CBFB: variants seen among roughly 807,000 people sequenced by gnomAD.
The protein encoded by CBFB is core-binding factor subunit beta, also known as CBF-beta.
Under a neutral mutation model 30.4 loss-of-function variants are expected in CBFB, and 9 were observed. The observed-to-expected ratio is 0.30, with a 90% CI of 0.18 to 0.52. The LOEUF is 0.52. CBFB is among the 20% of genes least tolerant of loss of function. The probability of loss-of-function intolerance (pLI) is 0.97; values close to 1 mark genes in which losing one functional copy is unlikely to be tolerated. For synonymous variants in CBFB, 94 were observed against 84.0 expected (o/e 1.12, Z -0.65); for missense variants, 170 against 244.0 (o/e 0.70, Z 2.02).
chr16:67,072,942 G>C (rs564911321), intron 4 of CBFB, among the ~76,000 whole-genome samples: 2 of 152,004 alleles, frequency 1.3e-5, no homozygotes, highest in East Asian at 3.9e-4. Flanking sequence ...TGAATTGCTG[G>C]CTTCAAACGA....
chr16:67,039,536 T>G (rs1966496080), intron 3 of CBFB, among the ~76,000 whole-genome samples: 1 of 152,166 alleles, frequency 6.6e-6, no homozygotes, highest in African/African-American at 2.4e-5. Flanking sequence ...CAATAGGAAT[T>G]TTTCAGATTC....
At chr16:67,090,456 A>T (rs1486432129) in intron 5 of CBFB, among the ~76,000 whole-genome samples, 2 of 152,150 alleles carry the variant, frequency 1.3e-5, no homozygotes, top group East Asian at 1.9e-4. Flanking sequence ...TTTTTGGGGT[A>T]TATATGTCTA....
chr16:67,071,237 A>G (rs1961215598), intron 4 of CBFB, among the ~76,000 whole-genome samples: 1 of 152,200 alleles, frequency 6.6e-6, no homozygotes, highest in Non-Finnish European at 1.5e-5. Context: ...CCCACTACTT[A>G]CCAGCTCTCA....
chr16:67,050,877 TAAGC>T, intron 3 of CBFB, among the ~76,000 whole-genome samples: 1 of 152,180 alleles, frequency 6.6e-6, no homozygotes, highest in South Asian at 2.1e-4. Flanking sequence ...TATTTGAACA[TAAGC>T]ACTGCCATAC....
chr16:67,064,129 C>T (rs1349862495), intron 3 of CBFB, among the ~76,000 whole-genome samples: 2 of 152,172 alleles, frequency 1.3e-5, no homozygotes, highest in Non-Finnish European at 2.9e-5. Flanking sequence ...TTGTTCAAGG[C>T]AGTAAATATT....
chr16:67,063,140 G>C (rs901866781), intron 3 of CBFB, among the ~76,000 whole-genome samples: 1 of 152,152 alleles, frequency 6.6e-6, no homozygotes, highest in Non-Finnish European at 1.5e-5. Flanking sequence ...GTTGAGCAGA[G>C]GTCGGCATAG....
At chr16:67,068,079 A>G (rs1826180057) in intron 4 of CBFB, among the ~76,000 whole-genome samples, 1 of 152,246 alleles carries the variant, frequency 6.6e-6, no homozygotes, top group African/African-American at 2.4e-5. Flanking sequence ...TCCAGTGGCA[A>G]AAGATGGAAG....
At position 67,099,976 on chromosome 16, in the gene CBFB, A is replaced by G. The variant is rs1962171017; in HGVS notation, c.*1198A>G. 4.8e-6 allele frequency: 1 copy of G among 207,576 alleles called. No individual in the cohort carries two copies. The highest frequency in any genetic ancestry group is 9.8e-6 in the Non-Finnish European group (1 of 101,710). 12.9% of individuals were successfully genotyped at this position (207,576 alleles called of 1,614,324 possible). ...GGAAAAAACGTTCACAGTTATATAT[A>G]TGGTATTTTGCAAAAGGACTATTAA... On this transcript the variant is annotated 3_prime_UTR_variant, in exon 6 of 6. Coordinates refer to ENST00000412916, the MANE Select transcript of CBFB (RefSeq NM_022845.3).
intron 5 of CBFB, among the ~76,000 whole-genome samples, chr16:67,084,222 CTAATGTGT>C (rs939567847): frequency 1.6e-4 from 18 of 113,572 alleles, no homozygotes; most frequent in Middle Eastern, 5.8e-3. Flanking sequence ...AAGATAAGAA[CTAATGTGT>C]TTGAAAAAGA....
intron 3 of CBFB, among the ~76,000 whole-genome samples, chr16:67,059,972 CTTTCTTTT>C (rs1960847301): frequency 6.7e-6 from 1 of 148,232 alleles, no homozygotes. Context: ...TTCTTTCTTT[CTTTCTTTT>C]TTTTTTTTTG....
intron 4 of CBFB, among the ~76,000 whole-genome samples, chr16:67,076,096 G>T (rs1259305529): frequency 6.6e-6 from 1 of 152,162 alleles, no homozygotes; most frequent in East Asian, 1.9e-4. Context: ...TAGGTATGGT[G>T]GTGGGTTCCT....
chr16:67,082,004 A>G (rs1411683626), intron 4 of CBFB: 2 of 256,638 alleles, frequency 7.8e-6, no homozygotes, highest in Non-Finnish European at 1.5e-5. Flanking sequence ...TTTTTAGTAG[A>G]GATGCGGTTT....
intron 2 of CBFB, among the ~76,000 whole-genome samples, chr16:67,034,803 T>A (rs938693865): frequency 1.3e-5 from 2 of 152,224 alleles, no homozygotes; most frequent in Non-Finnish European, 2.9e-5. Flanking sequence ...GTGTCTTTTC[T>A]GCCACCACTC....
intron 3 of CBFB, among the ~76,000 whole-genome samples, chr16:67,048,569 G>C (rs1028065083): frequency 6.6e-6 from 1 of 152,100 alleles, no homozygotes; most frequent in Admixed American, 6.6e-5. Context: ...TTGTTTGTTT[G>C]AGACAGAGTC....
At chr16:67,036,313 GT>G (rs1461268554) in intron 2 of CBFB, 4 of 207,546 alleles carry the variant, frequency 1.9e-5, no homozygotes, top group Non-Finnish European at 2.9e-5. Flanking sequence ...AAAAATAGAA[GT>G]TTTTAAATGC....
Position 67,099,837 on chromosome 16 carries a change from T to C in CBFB, c.*1059T>C, listed in dbSNP as rs570302209. 8.5e-4 allele frequency: 179 copies of C among 211,812 alleles called. 1 individual carries two copies. Among genetic ancestry groups the C allele is most frequent in the Middle Eastern group, 1.5e-3 (1 of 666 alleles). The allele number at this position is 211,812 out of a possible 1,614,324, so 13.1% of individuals were successfully genotyped here. A position where few individuals can be genotyped will look rare whatever the true frequency, so the allele number is the denominator to read the frequency against. On this transcript the variant is annotated 3_prime_UTR_variant, in exon 6 of 6. Transcript: ENST00000412916. ...TAAAATCATGTTTAAGATAGCTGCT[T>C]TTATGTGTATTTTATATTGCATGCT... is the stretch of plus-strand genomic sequence containing the variant.
chr16:67,074,378 C>T (rs1001994743), intron 4 of CBFB, among the ~76,000 whole-genome samples: 1 of 145,006 alleles, frequency 6.9e-6, no homozygotes, highest in African/African-American at 2.8e-5. Flanking sequence ...AAATGTAAAA[C>T]AGTAAAGCTT....
At chr16:67,049,646 G>GT (rs931851012) in intron 3 of CBFB, among the ~76,000 whole-genome samples, 18 of 150,610 alleles carry the variant, frequency 1.2e-4, no homozygotes, top group South Asian at 4.2e-4. Context: ...CGCACCAGCT[G>GT]TTTTTTTTTG....
chr16:67,044,218 GTACT>G (rs775663153), intron 3 of CBFB, among the ~76,000 whole-genome samples: 25 of 152,226 alleles, frequency 1.6e-4, no homozygotes, highest in Admixed American at 5.9e-4. Context: ...ATGATTGGAT[GTACT>G]TACTTTGCGA....
Sources: gnomAD v4.1 joint callset for allele counts (sites outside exome capture counted in the v4.1 genomes callset) on GRCh38, gnomAD v4.1.1 for gene constraint, MANE v1.5 for transcripts, NCBI Gene and HGNC (gene_info 2026-07-23, HGNC 2026-07-21) for gene names.